Variants in GRID1 observed in about 807,000 individuals in gnomAD.
GRID1 encodes the protein glutamate receptor ionotropic, delta-1.
A neutral mutation model predicts 98.0 loss-of-function variants in GRID1; 28 were observed. That is an observed-to-expected ratio of 0.29 (90% CI 0.21 to 0.39). The LOEUF (loss-of-function observed/expected upper bound fraction) is 0.39. GRID1 is among the 10% of genes least tolerant of loss of function. The pLI is 1.00. For missense variants in GRID1, 1,111 were observed against 1,340.5 expected, an observed-to-expected ratio of 0.83 and a Z score of 2.67; for synonymous variants, 553 against 538.5, an observed-to-expected ratio of 1.03 and a Z score of -0.37.
intron 4 of GRID1, among the ~76,000 whole-genome samples, chr10:86,004,874 T>C (rs764524475): frequency 6.6e-6 from 1 of 152,066 alleles, no homozygotes; most frequent in Non-Finnish European, 1.5e-5. Flanking sequence ...TCCTACTTTC[T>C]CCTTTCTGGA....
intron 4 of GRID1, among the ~76,000 whole-genome samples, chr10:86,073,295 CT>C (rs1843830549): frequency 6.6e-6 from 1 of 152,224 alleles, no homozygotes; most frequent in African/African-American, 2.4e-5. Flanking sequence ...TCAGCACAAC[CT>C]CCTTTCAGTT....
intron 4 of GRID1, among the ~76,000 whole-genome samples, chr10:86,002,747 GA>G (rs1198372780): frequency 3.9e-5 from 6 of 152,202 alleles, no homozygotes; most frequent in Non-Finnish European, 5.9e-5. Flanking sequence ...TTAATATACA[GA>G]TACAAAAGTG....
At chr10:86,035,070 G>T (rs1168431629) in intron 4 of GRID1, among the ~76,000 whole-genome samples, 1 of 152,150 alleles carries the variant, frequency 6.6e-6, no homozygotes, top group African/African-American at 2.4e-5. Context: ...ATTTGGAAAG[G>T]AGGTTTTTGG....
chr10:86,007,877 A>G (rs1372485530), intron 4 of GRID1, among the ~76,000 whole-genome samples: 1 of 151,300 alleles, frequency 6.6e-6, no homozygotes, highest in African/African-American at 2.4e-5. Context: ...GTTGTCACAA[A>G]GAAGGGGAGA....
chr10:86,068,292 G>A (rs1322738238), intron 4 of GRID1, among the ~76,000 whole-genome samples: 1 of 152,132 alleles, frequency 6.6e-6, no homozygotes, highest in Non-Finnish European at 1.5e-5. Context: ...ATGTTTACAA[G>A]GGGCTATGTG....
At chr10:85,924,222 T>C (rs1275173510) in intron 4 of GRID1, among the ~76,000 whole-genome samples, 2 of 152,208 alleles carry the variant, frequency 1.3e-5, no homozygotes, top group African/African-American at 4.8e-5. Context: ...GCCTTTGCTT[T>C]GCATGGTGCA....
At chr10:85,805,333 A>T (rs1842613862) in intron 8 of GRID1, among the ~76,000 whole-genome samples, 1 of 151,730 alleles carries the variant, frequency 6.6e-6, no homozygotes, top group Non-Finnish European at 1.5e-5. Context: ...AAAACTATTG[A>T]TGAGAAAAAT....
chr10:86,086,921 TA>T (rs1844067512), intron 4 of GRID1, among the ~76,000 whole-genome samples: 1 of 152,214 alleles, frequency 6.6e-6, no homozygotes, highest in Non-Finnish European at 1.5e-5. Context: ...TGAGCATCAG[TA>T]AAAGTTGGCT....
chr10:86,249,225 G>T (rs376844953), intron 2 of GRID1, among the ~76,000 whole-genome samples: 1 of 152,286 alleles, frequency 6.6e-6, no homozygotes, highest in East Asian at 1.9e-4. Context: ...GGGATCCCAG[G>T]ATGCCCCTCC....
At chr10:85,729,469 C>G (rs758533493) in intron 9 of GRID1, 44 bp downstream of exon 9, 2 of 1,124,306 alleles carry the variant, frequency 1.8e-6, no homozygotes, top group Admixed American at 1.8e-5. Context: ...GATTCAACAG[C>G]CTGGATGGTG....
chr10:86,127,537 G>C lies in GRID1; in HGVS notation c.726+11282C>G, dbSNP rs1844772184. On this transcript the variant is annotated intron_variant, in intron 4 of 15. Coordinates refer to ENST00000327946, the MANE Select transcript of GRID1 (RefSeq NM_017551.3). Reference sequence around the variant, plus strand: ...CGAAAGTGCCTAGCCAGCATCTGGAGCCCAGGCAGCACTTAGCCCTCCTCT... The same window carrying C: ...CGAAAGTGCCTAGCCAGCATCTGGACCCCAGGCAGCACTTAGCCCTCCTCT... Among the ~76,000 whole-genome samples, 3 of 152,180 alleles carry C rather than the reference G, an allele frequency of 2.0e-5. No individual in the cohort carries two copies. The South Asian group carries it at 6.2e-4, about 32-fold the overall frequency.
chr10:86,023,047 C>T (rs1843070535), intron 4 of GRID1, among the ~76,000 whole-genome samples: 1 of 152,068 alleles, frequency 6.6e-6, no homozygotes, highest in Non-Finnish European at 1.5e-5. Context: ...CTGGGCAGAG[C>T]GACTGCAGCT....
chr10:85,859,072 A>C (rs959266287), intron 6 of GRID1, among the ~76,000 whole-genome samples: 35 of 152,236 alleles, frequency 2.3e-4, no homozygotes, highest in Non-Finnish European at 4.4e-4. Context: ...TTTTCCAGGC[A>C]TAGATAGGCA....
intron 3 of GRID1, among the ~76,000 whole-genome samples, chr10:86,202,691 T>C (rs1845971362): frequency 6.6e-6 from 1 of 152,238 alleles, no homozygotes; most frequent in African/African-American, 2.4e-5. Flanking sequence ...AATTCTGTCT[T>C]GGAGCCCATG....
rs201170791 is a variant in GRID1, at chr10:85,727,882, G to A, written c.1506C>T (p.Asn502=). 153 of 1,613,782 alleles carry A rather than the reference G, an allele frequency of 9.5e-5. No individual in the cohort carries two copies. The highest frequency in any genetic ancestry group is 3.4e-4 in the Middle Eastern group (2 of 5,944). Residue 502 remains asparagine, a synonymous_variant, in exon 10 of 16, where the codon AAC becomes AAT. Transcript: ENST00000327946. ...YGHQLHNTSW[N]GMIGELISKR... ...TGCTGATGAGCTCCCCGATCATCCCGTTCCAGGAGGTGTTATGGAGCTGGT... is the reference window on the plus strand; with the variant it reads ...TGCTGATGAGCTCCCCGATCATCCCATTCCAGGAGGTGTTATGGAGCTGGT...
intron 4 of GRID1, among the ~76,000 whole-genome samples, chr10:85,984,985 T>C (rs141461333): frequency 6.6e-6 from 1 of 152,308 alleles, no homozygotes; most frequent in East Asian, 1.9e-4. Context: ...CATTTTGGGC[T>C]GAATAATACC....
At chr10:85,982,327 A>G (rs1377886347) in intron 4 of GRID1, among the ~76,000 whole-genome samples, 1 of 151,876 alleles carries the variant, frequency 6.6e-6, no homozygotes, top group East Asian at 1.9e-4. Context: ...ATACTTTTAT[A>G]TTAAAAAAAA....
chr10:85,749,784 C>T (rs1271867880), intron 8 of GRID1, among the ~76,000 whole-genome samples: 1 of 152,174 alleles, frequency 6.6e-6, no homozygotes, highest in African/African-American at 2.4e-5. Context: ...AACATTTTCA[C>T]CCTAGAACTA....
rs745985693 is a variant in GRID1 at position 85,761,335 on chromosome 10, C to T, written c.1234-31721G>A. On this transcript the variant is annotated intron_variant, in intron 8 of 15. Transcript: ENST00000327946. Reference sequence around the variant, plus strand: ...TAGAAACAGCTTGTTTGGGCTTCAGCACAATTAGGGATGTGTAGAGAGGAG... The same window carrying T: ...TAGAAACAGCTTGTTTGGGCTTCAGTACAATTAGGGATGTGTAGAGAGGAG... 3.3e-4 allele frequency among the ~76,000 whole-genome samples: 51 copies of T among 152,292 alleles called. 1 individual carries two copies. The highest frequency in any genetic ancestry group is 1.3e-3 in the Admixed American group (20 of 15,300).
Sources: gnomAD v4.1 joint callset for allele counts (sites outside exome capture counted in the v4.1 genomes callset) on GRCh38, gnomAD v4.1.1 for gene constraint, MANE v1.5 for transcripts, NCBI Gene and HGNC (gene_info 2026-07-23, HGNC 2026-07-21) for gene names.